ECH1: variants seen among roughly 807,000 people sequenced by gnomAD.
ECH1 encodes the protein delta(3,5)-Delta(2,4)-dienoyl-CoA isomerase, mitochondrial.
Under a neutral mutation model 37.0 loss-of-function variants are expected in ECH1, and 30 were observed. The ratio of observed to expected loss-of-function variants is 0.81; its 90% CI spans 0.61 to 1.10. The LOEUF (loss-of-function observed/expected upper bound fraction) is 1.10, where lower values mean the gene tolerates loss of function less well. Ranked by LOEUF, ECH1 falls within the 50% of genes least tolerant of loss-of-function variation. The pLI is 0.00. For synonymous variants in ECH1, 178 were observed against 176.0 expected (o/e 1.01, Z -0.09); for missense variants, 456 against 441.6 (o/e 1.03, Z -0.29).
intron 3 of ECH1, chr19:38,820,051 T>A (rs1344489867): frequency 1.4e-4 from 61 of 448,952 alleles, no homozygotes; most frequent in Non-Finnish European, 1.6e-4. Context: ...AAGTCCCCCT[T>A]ACTTTTTTTT....
intron 3 of ECH1, among the ~76,000 whole-genome samples, chr19:38,818,932 T>TGTGCGC (rs144733422): frequency 0.14 from 19,822 of 142,768 alleles, 1,816 homozygotes; most frequent in East Asian, 0.49. Context: ...TGTGTGTGTG[T>TGTGCGC]GCACTGTTCC....
intron 3 of ECH1, 138 bp downstream of exon 3, chr19:38,830,940 G>C (rs964161868): frequency 5.4e-6 from 4 of 737,596 alleles, no homozygotes; most frequent in Non-Finnish European, 6.5e-6. Flanking sequence ...TGGCAACAGA[G>C]CAAGACCCCG....
Position 38,831,763 on chromosome 19 carries a change from C to A in ECH1, c.10G>T (p.Gly4Trp), listed in dbSNP as rs767148522. The change falls in exon 1 of 10, where the codon GGG becomes TGG. Residue 4 changes from glycine to tryptophan, a missense_variant. Physicochemically the swap from Gly to Trp is radical, Grantham distance 184 (BLOSUM62 -2). Coordinates refer to ENST00000221418, the MANE Select transcript of ECH1 (RefSeq NM_001398.3). MAA[G>W]IVASRRLRDL... ...CGGAGTCTGCGAGAAGCCACTATCCCCGCCGCCATCGCCGCCGCCTTCGTC... is the reference window on the plus strand; with the variant it reads ...CGGAGTCTGCGAGAAGCCACTATCCACGCCGCCATCGCCGCCGCCTTCGTC... 5.0e-6 allele frequency: 8 copies of A among 1,613,316 alleles called. No homozygotes were observed. In the South Asian group the frequency reaches 8.8e-5, roughly 18 times the overall value.
rs1971578870 is a variant in ECH1, at chr19:38,816,488, T to C, written c.624A>G (p.Thr208=). ...VDVGLAADVG[T]LQRLPKVIGN... ...CGATGACCTTGGGCAGGCGCTGCAGTGTTCCTACATCGGCAGCCAAACCCA... is the reference window on the plus strand; with the variant it reads ...CGATGACCTTGGGCAGGCGCTGCAGCGTTCCTACATCGGCAGCCAAACCCA... Residue 208 remains threonine (T), a synonymous_variant, in exon 7 of 10, where the codon ACA becomes ACG. Coordinates refer to ENST00000221418, the MANE Select transcript of ECH1 (RefSeq NM_001398.3). 1 of 1,614,120 alleles carries C rather than the reference T, an allele frequency of 6.2e-7. No individual in the cohort carries two copies. Among genetic ancestry groups the C allele is most frequent in the Non-Finnish European group, 8.5e-7 (1 of 1,180,000 alleles).
At chr19:38,825,117 C>T (rs2145381973) in intron 3 of ECH1, among the ~76,000 whole-genome samples, 1 of 152,312 alleles carries the variant, frequency 6.6e-6, no homozygotes, top group East Asian at 1.9e-4. Context: ...GAAAAGAATG[C>T]AGCTTTAGCT....
chr19:38,817,993 C>A (rs889273345), intron 3 of ECH1, among the ~76,000 whole-genome samples: 1 of 152,180 alleles, frequency 6.6e-6, no homozygotes, highest in African/African-American at 2.4e-5. Flanking sequence ...ACGATCATGG[C>A]TCACTGCAGC....
intron 3 of ECH1, among the ~76,000 whole-genome samples, chr19:38,828,472 T>C (rs1035291199): frequency 1.3e-5 from 2 of 152,034 alleles, no homozygotes; most frequent in African/African-American, 4.8e-5. Flanking sequence ...CCTCAAGTGA[T>C]CCACCCACCT....
rs759067688 is a variant in ECH1, at chr19:38,816,520, C to T, written c.592G>A (p.Val198Met). Reference sequence around the variant, plus strand: ...ACATCGGCAGCCAAACCCACGTCCACCTCCTGGGGGAGGAATCGGGTCAGT... The same window carrying T: ...ACATCGGCAGCCAAACCCACGTCCATCTCCTGGGGGAGGAATCGGGTCAGT... ...AQDAFFQVKE[V>M]DVGLAADVGT... Residue 198 changes from valine to methionine, a missense_variant, in exon 7 of 10, where the codon GTG (valine) becomes ATG (methionine). By Grantham distance (21) the Val-to-Met change is conservative. Coordinates refer to ENST00000221418, the MANE Select transcript of ECH1 (RefSeq NM_001398.3). 2 of 1,614,054 alleles carry T rather than the reference C, an allele frequency of 1.2e-6. No homozygotes were observed. The highest frequency in any genetic ancestry group is 1.7e-6 in the Non-Finnish European group (2 of 1,180,020).
rs1423869071 is a variant in ECH1, at chr19:38,817,121, G to A, written c.532C>T (p.Leu178Phe). ...HGGCIGGGVD[L>F]VTACDIRYCA... ...TACCGGATGTCACAGGCGGTGACAA[G>A]GTCCACACCTAGGAGGTAGAGGCCA... The change falls in exon 6 of 10, where the codon CTT becomes TTT. Residue 178 changes from leucine (L) to phenylalanine (F), a missense_variant. Physicochemically the swap from Leu to Phe is conservative, Grantham distance 22. Transcript: ENST00000221418. 1 of 1,572,838 alleles carries A rather than the reference G, an allele frequency of 6.4e-7. No homozygotes were observed. Among genetic ancestry groups the A allele is most frequent in the East Asian group, 2.4e-5 (1 of 42,134 alleles).
intron 3 of ECH1, chr19:38,819,095 G>C: frequency 2.0e-6 from 2 of 984,966 alleles, no homozygotes; most frequent in South Asian, 4.7e-5. Flanking sequence ...GACAGAGCAA[G>C]ACCCTGGCTC....
chr19:38,825,262 T>C (rs951184087), intron 3 of ECH1, among the ~76,000 whole-genome samples: 3 of 152,088 alleles, frequency 2.0e-5, no homozygotes, highest in Non-Finnish European at 4.4e-5. Context: ...TTGACTTAGA[T>C]CATGGGGACT....
rs373251666 is a variant in ECH1 at position 38,821,640 on chromosome 19, G to A, written c.350-4065C>T. Among the ~76,000 whole-genome samples, 552 of 152,352 alleles carry A rather than the reference G, an allele frequency of 3.6e-3. 4 individuals carry two copies. The highest frequency in any genetic ancestry group is 0.012 in the African/African-American group (509 of 41,586). ...GAGCAGTGAGGGGCTTAGCACCTGG[G>A]CCAGCAGCTGCGGAGGGTACACCGG... On this transcript the variant is annotated intron_variant, in intron 3 of 9. Coordinates refer to ENST00000221418, the MANE Select transcript of ECH1 (RefSeq NM_001398.3).
intron 3 of ECH1, chr19:38,822,855 TC>T (rs1281288384): frequency 6.6e-6 from 1 of 152,392 alleles, no homozygotes; most frequent in Non-Finnish European, 1.5e-5. Context: ...CCCACTCACG[TC>T]CCCTTCCATG....
At chr19:38,828,741 G>C (rs1056800664) in intron 3 of ECH1, among the ~76,000 whole-genome samples, 1 of 151,850 alleles carries the variant, frequency 6.6e-6, no homozygotes, top group Non-Finnish European at 1.5e-5. Context: ...TCAGCCTCCC[G>C]AGTAGCTGGG....
In ECH1 at chr19:38,831,528, G is replaced by C; in HGVS notation, c.53-12C>G. 1 of 1,610,256 alleles carries C rather than the reference G, an allele frequency of 6.2e-7. No individual in the cohort carries two copies. The highest frequency in any genetic ancestry group is 1.1e-5 in the South Asian group (1 of 90,712). On this transcript the variant is annotated splice_polypyrimidine_tract_variant and intron_variant, in intron 1 of 9. Transcript: ENST00000221418. Reference sequence around the variant, plus strand: ...GGAGCCTGTCAGTCCTGGGGAGAAAGGAACAGCCTTTGATGACCCCAGACT... The same window carrying C: ...GGAGCCTGTCAGTCCTGGGGAGAAACGAACAGCCTTTGATGACCCCAGACT...
intron 3 of ECH1, chr19:38,818,435 G>A: frequency 1.0e-6 from 1 of 977,702 alleles, no homozygotes; most frequent in Non-Finnish European, 1.2e-6. Context: ...TTCCCTACAG[G>A]CAGCCAGGGG....
chr19:38,817,379 G>GA lies in ECH1; in HGVS notation c.475-16dup. ...GGCTTGGGGCACTGAGAGGGAACAG[G>GA]AAGAGTGGGGTCAGGGCTGGCCCAG... On this transcript the variant is annotated splice_polypyrimidine_tract_variant and intron_variant, in intron 4 of 9. Coordinates refer to ENST00000221418, the MANE Select transcript of ECH1 (RefSeq NM_001398.3). 1 of 1,601,514 alleles carries GA rather than the reference G, an allele frequency of 6.2e-7. No homozygotes were observed. Among genetic ancestry groups the GA allele is most frequent in the Non-Finnish European group, 8.5e-7 (1 of 1,174,172 alleles).
intron 3 of ECH1, among the ~76,000 whole-genome samples, chr19:38,818,922 T>G (rs1328166071): frequency 7.7e-6 from 1 of 129,662 alleles, no homozygotes; most frequent in Non-Finnish European, 1.7e-5. Context: ...TGTGTGTGTG[T>G]GTGTGTGTGT....
At chr19:38,828,154 T>C (rs558186226) in intron 3 of ECH1, among the ~76,000 whole-genome samples, 12 of 152,318 alleles carry the variant, frequency 7.9e-5, no homozygotes, top group African/African-American at 2.9e-4. Flanking sequence ...ATCCAGAGTA[T>C]CCACATCTTA....
Sources: allele counts gnomAD v4.1 joint callset (sites outside exome capture counted in the v4.1 genomes callset), GRCh38; gene constraint gnomAD v4.1.1; transcripts MANE v1.5; gene names NCBI Gene and HGNC (gene_info 2026-07-23, HGNC 2026-07-21).